Variants in ERC1 observed in about 807,000 individuals in gnomAD.
The protein encoded by ERC1 is RAB6 interacting protein 2.
Under a neutral mutation model 132.0 loss-of-function variants are expected in ERC1, and 56 were observed. The ratio of observed to expected loss-of-function variants is 0.42; its 90% confidence interval spans 0.34 to 0.53. The LOEUF is 0.53. Ranked by LOEUF, ERC1 falls within the 20% of genes least tolerant of loss-of-function variation. The pLI is 0.03. For synonymous variants in ERC1, 478 were observed against 476.1 expected (o/e 1.00, Z -0.05); for missense variants, 1,202 against 1,349.9 (o/e 0.89, Z 1.72).
At chr12:1,184,653 G>C (rs1335248132) in intron 11 of ERC1, among the ~76,000 whole-genome samples, 4 of 152,158 alleles carry the variant, frequency 2.6e-5, no homozygotes, top group African/African-American at 4.8e-5. Context: ...TCCTGTATCT[G>C]AATATTGGCA....
chr12:1,252,919 A>T (rs1441439130), intron 13 of ERC1, among the ~76,000 whole-genome samples: 17 of 152,156 alleles, frequency 1.1e-4, no homozygotes, highest in Admixed American at 1.1e-3. Flanking sequence ...TGCTTAGGGG[A>T]TGGGGAAGAG....
chr12:1,262,479 A>G (rs918619381), intron 13 of ERC1, among the ~76,000 whole-genome samples: 2 of 152,210 alleles, frequency 1.3e-5, no homozygotes, highest in African/African-American at 2.4e-5. Flanking sequence ...GTTTTCTCCT[A>G]TGAGATTATG....
chr12:1,328,660 C>T lies in ERC1; in HGVS notation c.2780+38648C>T, dbSNP rs919018824. Among the ~76,000 whole-genome samples, 5 of 151,846 alleles carry T rather than the reference C, an allele frequency of 3.3e-5. No homozygotes were observed. The East Asian group carries it at 7.7e-4, about 23-fold the overall frequency. On this transcript the variant is annotated intron_variant, in intron 15 of 18. Coordinates refer to ENST00000360905, the MANE Select transcript of ERC1 (RefSeq NM_178040.4). ...CTCTTGCCTTTTTCCTTTCTCCCCC[C>T]TCCCCTTTTCTCCCTCAGTTAAGAT...
At position 1,263,158 on chromosome 12, in the gene ERC1, A is replaced by G; in HGVS notation, c.2612A>G (p.Glu871Gly). ...GAGGAATCAGCCAGGACCAATGCTG[A>G]AAAACAGGTCTGCTATTTTATACAG... ...AQEESARTNA[E>G]KQVEELLMAM... The change falls in exon 14 of 19, where the codon GAA becomes GGA. Residue 871 changes from glutamate to glycine, a missense_variant. Physicochemically the swap from Glu to Gly is moderately conservative, Grantham distance 98 (BLOSUM62 -2). Transcript: ENST00000360905. The G allele has an allele frequency of 6.2e-7, 1 of 1,613,902 alleles. No homozygotes were observed. Among genetic ancestry groups the G allele is most frequent in the Non-Finnish European group, 8.5e-7 (1 of 1,179,896 alleles).
intron 7 of ERC1, among the ~76,000 whole-genome samples, chr12:1,129,641 A>T (rs1948562484): frequency 6.6e-6 from 1 of 152,234 alleles, no homozygotes; most frequent in South Asian, 2.1e-4. Flanking sequence ...TGGTAGCGTA[A>T]AATCTTCAAA....
At chr12:1,006,257 A>G (rs191709621) in intron 1 of ERC1, among the ~76,000 whole-genome samples, 74 of 152,042 alleles carry the variant, frequency 4.9e-4, no homozygotes, top group African/African-American at 1.8e-3. Context: ...GCACCTGGCC[A>G]GTATTATTAC....
chr12:997,713 G>A (rs577702159), intron 1 of ERC1, among the ~76,000 whole-genome samples: 13 of 152,274 alleles, frequency 8.5e-5, no homozygotes, highest in African/African-American at 2.6e-4. Context: ...AAGATTTTAC[G>A]TAAGGGTTTG....
chr12:1,162,102 G>A (rs1357409263), intron 8 of ERC1, among the ~76,000 whole-genome samples: 1 of 152,158 alleles, frequency 6.6e-6, no homozygotes, highest in Non-Finnish European at 1.5e-5. Context: ...TTTCTAAGTA[G>A]TATACATATT....
At chr12:1,121,787 C>A (rs56148068) in intron 7 of ERC1, among the ~76,000 whole-genome samples, 1 of 7,344 alleles carries the variant, frequency 1.4e-4, no homozygotes, top group African/African-American at 1.9e-4. Context: ...CTATCTATCT[C>A]TATCTCTATC....
chr12:1,227,772 A>G (rs981728347), intron 12 of ERC1, among the ~76,000 whole-genome samples: 1 of 152,156 alleles, frequency 6.6e-6, no homozygotes, highest in African/African-American at 2.4e-5. Flanking sequence ...TTCTTCTACT[A>G]GTTTTAAAGT....
chr12:1,209,984 C>T (rs1305019283), intron 12 of ERC1, among the ~76,000 whole-genome samples: 6 of 152,122 alleles, frequency 3.9e-5, no homozygotes, highest in Non-Finnish European at 5.9e-5. Context: ...GGCATGGGTA[C>T]AAGAGTCAGG....
At chr12:1,118,081 C>G (rs1028158511) in intron 7 of ERC1, among the ~76,000 whole-genome samples, 1 of 152,158 alleles carries the variant, frequency 6.6e-6, no homozygotes, top group Admixed American at 6.5e-5. Flanking sequence ...TCCAATTACA[C>G]TCTTTAAGTT....
At chr12:1,273,772 C>T (rs1270989998) in intron 14 of ERC1, among the ~76,000 whole-genome samples, 1 of 148,224 alleles carries the variant, frequency 6.7e-6, no homozygotes, top group Non-Finnish European at 1.5e-5. Flanking sequence ...GTCAGATGGA[C>T]AGACAGATAG....
At chr12:1,207,349 C>T (rs1471789173) in intron 12 of ERC1, among the ~76,000 whole-genome samples, 1 of 151,940 alleles carries the variant, frequency 6.6e-6, no homozygotes, top group Non-Finnish European at 1.5e-5. Context: ...AAATTTCTGA[C>T]CCCATAAAAT....
chr12:1,003,327 T>A (rs1962840793), intron 1 of ERC1, among the ~76,000 whole-genome samples: 1 of 152,192 alleles, frequency 6.6e-6, no homozygotes, highest in Non-Finnish European at 1.5e-5. Context: ...TTAAATTTAG[T>A]CCTAGTATCT....
At chr12:1,199,333 A>C (rs1956672364) in intron 12 of ERC1, among the ~76,000 whole-genome samples, 1 of 152,254 alleles carries the variant, frequency 6.6e-6, no homozygotes, top group Non-Finnish European at 1.5e-5. Flanking sequence ...AAACCATGTC[A>C]CTCATCTGGA....
rs145234499 is a variant in ERC1, at chr12:1,265,553, G to A, written c.2619+2388G>A. On this transcript the variant is annotated intron_variant, in intron 14 of 18. Transcript: ENST00000360905. ...CAGTGTAGTATTTGTTAAAATTAAT[G>A]AACCAGTTTTAATACATTGTTATTA... 5.1e-3 allele frequency among the ~76,000 whole-genome samples: 771 copies of A among 152,238 alleles called. 9 individuals carry two copies. The highest frequency in any genetic ancestry group is 0.018 in the African/African-American group (739 of 41,518).
chr12:1,250,217 A>C (rs2076388391), intron 13 of ERC1, among the ~76,000 whole-genome samples: 1 of 152,200 alleles, frequency 6.6e-6, no homozygotes, highest in African/African-American at 2.4e-5. Context: ...ATGCTCTTCT[A>C]CTTCTGCAGA....
chr12:1,105,593 G>A lies in ERC1; in HGVS notation c.1161+769G>A, dbSNP rs536960931. Reference sequence around the variant, plus strand: ...AGGATGGTCTCCATCTCCTGACCTCGTTATCCGCCCGCCTCGGCCTCCCAA... The same window carrying A: ...AGGATGGTCTCCATCTCCTGACCTCATTATCCGCCCGCCTCGGCCTCCCAA... On this transcript the variant is annotated intron_variant, in intron 4 of 18. Transcript: ENST00000360905. Among the ~76,000 whole-genome samples the A allele has an allele frequency of 2.6e-5, 4 of 152,112 alleles. No individual in the cohort carries two copies. The East Asian group carries it at 5.8e-4, about 22-fold the overall frequency.
Sources: gnomAD v4.1 joint callset for allele counts (sites outside exome capture counted in the v4.1 genomes callset) on GRCh38, gnomAD v4.1.1 for gene constraint, MANE v1.5 for transcripts, NCBI Gene and HGNC (gene_info 2026-07-23, HGNC 2026-07-21) for gene names.